The following DPP10 variants were observed in gnomAD, a reference collection of about 807,000 sequenced individuals.
The protein encoded by DPP10 is dipeptidyl peptidase like 10.
Under a neutral mutation model 120.9 loss-of-function variants are expected in DPP10, and 33 were observed. That is an observed-to-expected ratio of 0.27 (90% CI 0.21 to 0.37). The LOEUF (loss-of-function observed/expected upper bound fraction) is 0.37. Ranked by LOEUF, DPP10 falls within the 10% of genes least tolerant of loss-of-function variation. The pLI is 1.00. For missense variants in DPP10, 816 were observed against 942.8 expected (o/e 0.87, Z 1.76); for synonymous variants, 337 against 326.1 (o/e 1.03, Z -0.36).
At chr2:114,900,415 A>T (rs1693461709) in intron 1 of DPP10, among the ~76,000 whole-genome samples, 1 of 152,208 alleles carries the variant, frequency 6.6e-6, no homozygotes, top group Non-Finnish European at 1.5e-5. Context: ...CATTCTGGTG[A>T]GTATATTATA....
At chr2:114,587,301 CAAAA>C (rs11364968) in intron 1 of DPP10, among the ~76,000 whole-genome samples, 5 of 103,218 alleles carry the variant, frequency 4.8e-5, no homozygotes, top group Admixed American at 1.1e-4. Context: ...AACTCCATCT[CAAAA>C]AAAAAAAAAA....
chr2:115,524,629 A>C (rs2078018456), intron 4 of DPP10, among the ~76,000 whole-genome samples: 1 of 152,084 alleles, frequency 6.6e-6, no homozygotes, highest in African/African-American at 2.4e-5. Context: ...CTCCTACCAG[A>C]TCTTAGAGTG....
intron 1 of DPP10, among the ~76,000 whole-genome samples, chr2:114,791,751 A>G (rs1471363078): frequency 2.0e-5 from 3 of 152,188 alleles, no homozygotes; most frequent in African/African-American, 7.2e-5. Context: ...TGAGTATTTA[A>G]GTGGAAGAAA....
intron 1 of DPP10, among the ~76,000 whole-genome samples, chr2:114,467,181 AG>A (rs1388283505): frequency 6.6e-6 from 1 of 152,208 alleles, no homozygotes; most frequent in Non-Finnish European, 1.5e-5. Context: ...TTATTAAAAT[AG>A]TAAGTGGTAA....
At chr2:115,598,363 A>T (rs919016361) in intron 5 of DPP10, among the ~76,000 whole-genome samples, 10 of 151,380 alleles carry the variant, frequency 6.6e-5, no homozygotes, top group African/African-American at 2.2e-4. Flanking sequence ...TGGTCCTCTG[A>T]TCTCCCTTCC....
intron 5 of DPP10, among the ~76,000 whole-genome samples, chr2:115,640,523 T>C (rs965706121): frequency 6.6e-6 from 1 of 152,010 alleles, no homozygotes; most frequent in African/African-American, 2.4e-5. Context: ...TTACAGTTAA[T>C]AAGTAAAACC....
chr2:115,725,706 A>T (rs915161464), intron 7 of DPP10, among the ~76,000 whole-genome samples: 1 of 152,190 alleles, frequency 6.6e-6, no homozygotes, highest in Non-Finnish European at 1.5e-5. Context: ...TCCACTCCTA[A>T]TAAGAGCAAT....
chr2:115,441,027 C>A (rs2071994700), intron 3 of DPP10: 2 of 152,136 alleles, frequency 1.3e-5, no homozygotes, highest in Non-Finnish European at 1.5e-5. Context: ...GCTTTCCCAG[C>A]TAGAGAGAGT....
intron 3 of DPP10, among the ~76,000 whole-genome samples, chr2:115,381,317 T>C (rs897858637): frequency 3.3e-5 from 5 of 152,188 alleles, no homozygotes; most frequent in African/African-American, 1.2e-4. Context: ...CTTCCATCAC[T>C]AATACCCTTT....
intron 1 of DPP10, among the ~76,000 whole-genome samples, chr2:115,195,264 A>G (rs1176921469): frequency 6.6e-6 from 1 of 152,148 alleles, no homozygotes; most frequent in Non-Finnish European, 1.5e-5. Context: ...AGTGTTGTCT[A>G]TTTTTAAAGG....
intron 3 of DPP10, among the ~76,000 whole-genome samples, chr2:115,410,670 A>C (rs769100378): frequency 1.3e-5 from 2 of 152,320 alleles, no homozygotes; most frequent in South Asian, 4.1e-4. Context: ...GGACTGGAGA[A>C]GTGTGGGAGG....
intron 1 of DPP10, among the ~76,000 whole-genome samples, chr2:114,699,066 T>A (rs912108200): frequency 6.6e-6 from 1 of 152,156 alleles, no homozygotes; most frequent in African/African-American, 2.4e-5. Flanking sequence ...TCAAACCTGT[T>A]GTTCTATTTG....
intron 1 of DPP10, among the ~76,000 whole-genome samples, chr2:114,920,686 G>C (rs1695137492): frequency 1.3e-5 from 2 of 152,080 alleles, no homozygotes; most frequent in Non-Finnish European, 2.9e-5. Context: ...AAAACTTACT[G>C]TTATGCCTCA....
chr2:115,600,059 G>T (rs955231786), intron 5 of DPP10, among the ~76,000 whole-genome samples: 50 of 151,248 alleles, frequency 3.3e-4, no homozygotes, highest in African/African-American at 9.2e-4. Flanking sequence ...TGTTTTTTTT[G>T]TTTGTTTGTT....
At chr2:115,729,867 T>C (rs1316985582) in intron 8 of DPP10, among the ~76,000 whole-genome samples, 1 of 151,944 alleles carries the variant, frequency 6.6e-6, no homozygotes, top group Non-Finnish European at 1.5e-5. Flanking sequence ...GTGTTACGCA[T>C]GAGAAGAAAT....
intron 1 of DPP10, among the ~76,000 whole-genome samples, chr2:114,551,161 A>G (rs1687854635): frequency 6.6e-6 from 1 of 152,110 alleles, no homozygotes; most frequent in Non-Finnish European, 1.5e-5. Flanking sequence ...TGATCTCCCC[A>G]CTTCTACCAT....
chr2:115,470,491 C>T (rs944571510), intron 3 of DPP10, among the ~76,000 whole-genome samples: 5 of 152,084 alleles, frequency 3.3e-5, no homozygotes, highest in African/African-American at 1.2e-4. Context: ...ACATGCCTCT[C>T]TCATTGGGCA....
chr2:115,446,979 A>G (rs780854816), intron 3 of DPP10, among the ~76,000 whole-genome samples: 13 of 152,190 alleles, frequency 8.5e-5, no homozygotes, highest in East Asian at 1.9e-4. Context: ...CTCTTGCTCT[A>G]TCACCATGAA....
At chr2:114,601,603 C>T (rs1300104632) in intron 1 of DPP10, among the ~76,000 whole-genome samples, 1 of 151,892 alleles carries the variant, frequency 6.6e-6, no homozygotes, top group Non-Finnish European at 1.5e-5. Context: ...CAATAACATT[C>T]ATCTCTTGAA....
Sources: allele counts gnomAD v4.1 joint callset (sites outside exome capture counted in the v4.1 genomes callset), GRCh38; gene constraint gnomAD v4.1.1; transcripts MANE v1.5; gene names NCBI Gene and HGNC (gene_info 2026-07-23, HGNC 2026-07-21).